Variants in ASCC3 observed in about 807,000 individuals in gnomAD.
ASCC3 encodes the protein activating signal cointegrator 1 complex subunit 3, also known as ASC-1 complex subunit P200.
In ASCC3, 158 loss-of-function variants were observed where a neutral mutation model predicts 256.3. The ratio of observed to expected loss-of-function variants is 0.62; its 90% CI spans 0.54 to 0.70. ASCC3 has a LOEUF of 0.70. Among genes scored for constraint, ASCC3 ranks in the 30% least tolerant of loss-of-function variants. ASCC3 has a pLI of 0.00. For synonymous variants in ASCC3, 948 were observed against 883.4 expected (o/e 1.07, Z -1.30); for missense variants, 2,259 against 2,626.0 (o/e 0.86, Z 3.05).
At chr6:100,720,015 C>A (rs1402992385) in intron 11 of ASCC3, among the ~76,000 whole-genome samples, 1 of 151,910 alleles carries the variant, frequency 6.6e-6, no homozygotes, top group African/African-American at 2.4e-5. Context: ...ACATTGCCTT[C>A]CAATAGCTTT....
At position 100,524,798 on chromosome 6, in the gene ASCC3, C is replaced by T. The variant is rs79981190; in HGVS notation, c.5776-6656G>A. ...TGTTCTCTCTTCCTCCTCCCTTTAT[C>T]CTTCCTCCTCTTCAAGGAACCTTTC... On this transcript the variant is annotated intron_variant, in intron 37 of 41. Coordinates refer to ENST00000369162, the MANE Select transcript of ASCC3 (RefSeq NM_006828.4). Among the ~76,000 whole-genome samples the T allele has an allele frequency of 5.3e-3, 803 of 152,152 alleles. 9 individuals carry two copies. Among genetic ancestry groups the T allele is most frequent in the African/African-American group, 0.019 (773 of 41,534 alleles).
At chr6:100,698,472 T>C (rs1022630138) in intron 13 of ASCC3, among the ~76,000 whole-genome samples, 1 of 152,056 alleles carries the variant, frequency 6.6e-6, no homozygotes. Context: ...GCTCCAAATT[T>C]ACTACTCAAG....
rs750929751 is a variant in ASCC3, at chr6:100,510,014, G to A, written c.6379C>T (p.Leu2127Phe). 1 of 1,614,014 alleles carries A rather than the reference G, an allele frequency of 6.2e-7. No homozygotes were observed. Among genetic ancestry groups the A allele is most frequent in the Non-Finnish European group, 8.5e-7 (1 of 1,179,972 alleles). ...LILGEVDKRE[L>F]IALKRVGYIR... is the part of the protein sequence containing the mutation. ...TATCCTACTCTTTTCAAAGCAATAA[G>A]TTCTCTCTTATCCACTTCTCCTAAT... is the stretch of plus-strand genomic sequence containing the variant. Residue 2127 changes from leucine (L) to phenylalanine (F), a missense_variant, in exon 41 of 42, where the codon CTT becomes TTT. By Grantham distance (22) the Leu-to-Phe change is conservative. Around this residue, in one of 2 missense-constraint regions of ASCC3, gnomAD observed 1,839 missense variants for 2,206.7 expected, o/e 0.83. Coordinates refer to ENST00000369162, the MANE Select transcript of ASCC3 (RefSeq NM_006828.4).
rs760472803 is a variant in ASCC3 at position 100,625,225 on chromosome 6, A to C, written c.4752T>G (p.Asp1584Glu). 1 of 1,612,918 alleles carries C rather than the reference A, an allele frequency of 6.2e-7. No individual in the cohort carries two copies. The highest frequency in any genetic ancestry group is 1.1e-5 in the South Asian group (1 of 91,054). ...ELIAFLATEE[D>E]PKQWLNMDER... ...CATCCATGTTTAACCACTGCTTTGG[A>C]TCTTCTTCAGTAGCCAGGAAGGCGA... Residue 1584 changes from aspartate (D) to glutamate (E), a missense_variant, in exon 30 of 42, where the codon GAT (aspartate) becomes GAG (glutamate). Asp to Glu is a conservative substitution (Grantham distance 45). Around this residue, in one of 2 missense-constraint regions of ASCC3, gnomAD observed 1,839 missense variants for 2,206.7 expected, o/e 0.83. Transcript: ENST00000369162.
At chr6:100,877,509 G>A (rs1244736806) in intron 1 of ASCC3, among the ~76,000 whole-genome samples, 3 of 152,030 alleles carry the variant, frequency 2.0e-5, no homozygotes, top group African/African-American at 7.2e-5. Context: ...AATAACCATC[G>A]TCGACACATA....
chr6:100,652,979 C>A, intron 17 of ASCC3, 90 bp from the exon 18 acceptor site: 1 of 1,288,880 alleles, frequency 7.8e-7, no homozygotes, highest in Non-Finnish European at 1.1e-6. Flanking sequence ...TAAAACTTTT[C>A]TTAATGTTTT....
chr6:100,723,155 T>A (rs982650176), intron 11 of ASCC3, among the ~76,000 whole-genome samples: 3 of 151,754 alleles, frequency 2.0e-5, no homozygotes, highest in African/African-American at 7.2e-5. Context: ...TAAGCATCTT[T>A]TAAATATTTC....
chr6:100,851,792 A>G (rs1582962458), intron 3 of ASCC3, among the ~76,000 whole-genome samples: 1 of 152,248 alleles, frequency 6.6e-6, no homozygotes, highest in Non-Finnish European at 1.5e-5. Context: ...AGCCAACACT[A>G]TTTGTTAACA....
At chr6:100,527,920 G>A (rs566273301) in intron 37 of ASCC3, among the ~76,000 whole-genome samples, 208 of 151,128 alleles carry the variant, frequency 1.4e-3, no homozygotes, top group Non-Finnish European at 2.4e-3. Context: ...GCTCACCACA[G>A]CCTCAAACTC....
chr6:100,834,031 AC>A (rs1399715937), intron 4 of ASCC3, among the ~76,000 whole-genome samples: 3 of 152,196 alleles, frequency 2.0e-5, no homozygotes, highest in African/African-American at 7.2e-5. Context: ...GCACCACTAC[AC>A]CCCAGCCTGG....
chr6:100,768,678 GAAAA>G (rs1781780024), intron 8 of ASCC3, among the ~76,000 whole-genome samples: 1 of 152,090 alleles, frequency 6.6e-6, no homozygotes, highest in Admixed American at 6.5e-5. Context: ...AAGGAGGCAT[GAAAA>G]TCAGCAAGGC....
intron 3 of ASCC3, among the ~76,000 whole-genome samples, chr6:100,855,091 A>G (rs1772875877): frequency 6.6e-6 from 1 of 150,378 alleles, no homozygotes; most frequent in African/African-American, 2.4e-5. Flanking sequence ...CTAATAAACT[A>G]AAGCAAATTG....
intron 8 of ASCC3, among the ~76,000 whole-genome samples, chr6:100,767,846 G>A (rs537059557): frequency 6.6e-6 from 1 of 151,214 alleles, no homozygotes; most frequent in South Asian, 2.1e-4. Flanking sequence ...TCGATCTCCT[G>A]ACCTCGTGAT....
At chr6:100,844,485 T>C (rs1232657622) in intron 4 of ASCC3, among the ~76,000 whole-genome samples, 1 of 152,036 alleles carries the variant, frequency 6.6e-6, no homozygotes, top group African/African-American at 2.4e-5. Flanking sequence ...GCTACAATTC[T>C]GGTTCTGAAA....
chr6:100,608,747 A>T (rs1190561054), intron 30 of ASCC3, among the ~76,000 whole-genome samples: 1 of 37,062 alleles, frequency 2.7e-5, no homozygotes, highest in Non-Finnish European at 4.7e-5. Context: ...ATATATATAT[A>T]TATATATATA....
At chr6:100,680,483 C>A (rs748064358) in intron 13 of ASCC3, among the ~76,000 whole-genome samples, 2 of 152,118 alleles carry the variant, frequency 1.3e-5, no homozygotes, top group Non-Finnish European at 2.9e-5. Flanking sequence ...TCTTCTTTGG[C>A]CTCTACCTTA....
At chr6:100,549,339 G>A (rs189631925) in intron 36 of ASCC3, among the ~76,000 whole-genome samples, 3 of 151,946 alleles carry the variant, frequency 2.0e-5, no homozygotes, top group African/African-American at 7.2e-5. Context: ...ACAATGTTAT[G>A]GCTATTCTAC....
intron 34 of ASCC3, among the ~76,000 whole-genome samples, chr6:100,591,587 GT>G (rs1283275607): frequency 6.6e-6 from 1 of 151,964 alleles, no homozygotes. Context: ...AGGATACTAA[GT>G]AGTAGGATTT....
At chr6:100,587,480 G>C (rs1023050462) in intron 36 of ASCC3, among the ~76,000 whole-genome samples, 1 of 152,122 alleles carries the variant, frequency 6.6e-6, no homozygotes, top group Non-Finnish European at 1.5e-5. Context: ...TGATACCTAC[G>C]TATCTCCTTG....
Sources: allele counts gnomAD v4.1 joint callset (sites outside exome capture counted in the v4.1 genomes callset), GRCh38; gene constraint gnomAD v4.1.1; regional missense constraint gnomAD v4.1.1; transcripts MANE v1.5; gene names NCBI Gene and HGNC (gene_info 2026-07-23, HGNC 2026-07-21).